Variants in SOX5 observed in about 807,000 individuals in gnomAD.
SOX5 encodes the protein transcription factor SOX-5.
A neutral mutation model predicts 92.0 loss-of-function variants in SOX5; 9 were observed. The observed-to-expected ratio is 0.10, with a 90% CI of 0.06 to 0.17. The LOEUF (loss-of-function observed/expected upper bound fraction) is 0.17, where lower values mean the gene tolerates loss of function less well. SOX5 is among the 10% of genes least tolerant of loss of function. The pLI, the probability that SOX5 is intolerant of heterozygous loss-of-function variation, is 1.00. For synonymous variants in SOX5, 344 were observed against 336.3 expected, an observed-to-expected ratio of 1.02 and a Z score of -0.25; for missense variants, 642 against 944.5, an observed-to-expected ratio of 0.68 and a Z score of 4.20.
Position 23,971,121 on chromosome 12 carries a change from C to CTTTTTTTTTTT in SOX5, c.-1-75108_-1-75098dup, listed in dbSNP as rs71059953. Among the ~76,000 whole-genome samples the CTTTTTTTTTTT allele has an allele frequency of 5.7e-4, 49 of 86,224 alleles. 8 individuals carry two copies. Among genetic ancestry groups the CTTTTTTTTTTT allele is most frequent in the African/African-American group, 7.6e-4 (14 of 18,380 alleles). The allele number at this position is 86,224 out of a possible 152,430, so 56.6% of individuals were successfully genotyped here. A position where few individuals can be genotyped will look rare whatever the true frequency, so the allele number is the denominator to read the frequency against. On this transcript the variant is annotated intron_variant, in intron 4 of 4. Transcript: ENST00000446891. ...CCATCTGAGTAGGTGTGTCAGCTGA[C>CTTTTTTTTTTT]TTTTTTTTTTTTTTTTTTTGAGAGG...
chr12:24,262,733 T>C (rs1363043407), intron 3 of SOX5, among the ~76,000 whole-genome samples: 1 of 152,166 alleles, frequency 6.6e-6, no homozygotes, highest in Non-Finnish European at 1.5e-5. Context: ...CTAACATTTT[T>C]GAAGACAAAG....
At chr12:24,502,683 A>G (rs548791842) in intron 1 of SOX5, among the ~76,000 whole-genome samples, 22 of 152,330 alleles carry the variant, frequency 1.4e-4, no homozygotes, top group Admixed American at 3.3e-4. Context: ...GCATAGTCTC[A>G]CAGTATTTAC....
intron 10 of SOX5, among the ~76,000 whole-genome samples, chr12:23,564,524 A>G (rs977766178): frequency 3.9e-5 from 6 of 152,196 alleles, no homozygotes; most frequent in African/African-American, 1.4e-4. Context: ...GAAGGCAGGC[A>G]CTAATCACAC....
At chr12:24,188,976 A>G (rs1287798027) in intron 4 of SOX5, among the ~76,000 whole-genome samples, 2 of 152,202 alleles carry the variant, frequency 1.3e-5, no homozygotes, top group Non-Finnish European at 2.9e-5. Context: ...ACCTTCAGTG[A>G]TCATGTCCAA....
At chr12:23,670,933 A>T (rs536140853) in intron 6 of SOX5, among the ~76,000 whole-genome samples, 1 of 152,184 alleles carries the variant, frequency 6.6e-6, no homozygotes, top group Admixed American at 6.6e-5. Flanking sequence ...ACTGTGACTG[A>T]GCATCAGAGA....
intron 3 of SOX5, among the ~76,000 whole-genome samples, chr12:23,787,691 T>C (rs949979918): frequency 3.3e-5 from 5 of 152,018 alleles, no homozygotes; most frequent in African/African-American, 9.6e-5. Context: ...TACTAGTCTA[T>C]TCTGGAAACA....
intron 3 of SOX5, among the ~76,000 whole-genome samples, chr12:24,253,270 CT>C (rs61584024): frequency 0.048 from 6,657 of 137,376 alleles, 409 homozygotes; most frequent in African/African-American, 0.15. Context: ...ACGTGCACAT[CT>C]TTTTTTTTTT....
At chr12:23,942,902 AAC>A (rs1275924409) in intron 1 of SOX5, among the ~76,000 whole-genome samples, 1 of 152,066 alleles carries the variant, frequency 6.6e-6, no homozygotes, top group Non-Finnish European at 1.5e-5. Flanking sequence ...TCTTTTCTAA[AAC>A]ACACTTTCTT....
In SOX5 at chr12:23,533,039, G is replaced by A. The variant is rs925615706; in HGVS notation, c.*1180C>T. 2.8e-6 allele frequency: 1 copy of A among 355,146 alleles called. No homozygotes were observed. The highest frequency in any genetic ancestry group is 2.1e-5 in the African/African-American group (1 of 47,678). 22.0% of individuals were successfully genotyped at this position (355,146 alleles called of 1,614,324 possible). A position where few individuals can be genotyped will look rare whatever the true frequency, so the allele number is the denominator to read the frequency against. On this transcript the variant is annotated 3_prime_UTR_variant, in exon 15 of 15. Transcript: ENST00000451604. Reference sequence around the variant, plus strand: ...ATACATGCACACCTCTATTACACAGGGCCACCTGATCCATCCAATAATAAT... The same window carrying A: ...ATACATGCACACCTCTATTACACAGAGCCACCTGATCCATCCAATAATAAT...
At position 23,577,749 on chromosome 12, in the gene SOX5, G is replaced by A. The variant is rs183050257; in HGVS notation, c.1165-1911C>T. 2.0e-5 allele frequency among the ~76,000 whole-genome samples: 3 copies of A among 152,070 alleles called. No individual in the cohort carries two copies. The East Asian group carries it at 5.8e-4, about 29-fold the overall frequency. ...ATACCAAATCTATATTGATTCATAA[G>A]ATCTTGACAGGAAGTGAAATAATTC... is the stretch of plus-strand genomic sequence containing the variant. On this transcript the variant is annotated intron_variant, in intron 9 of 14. Transcript: ENST00000451604.
Position 23,554,599 on chromosome 12 carries a change from G to C in SOX5, c.1489-8175C>G, listed in dbSNP as rs139591309. ...AATACTGTTCTATTTACATTACAGA[G>C]TGAGAACAAAATATGAAGGGAAAGC... On this transcript the variant is annotated intron_variant, in intron 11 of 14. Coordinates refer to ENST00000451604, the MANE Select transcript of SOX5 (RefSeq NM_006940.6). Among the ~76,000 whole-genome samples the C allele has an allele frequency of 6.6e-5, 10 of 152,162 alleles. No individual in the cohort carries two copies. The East Asian group carries it at 1.7e-3, about 26-fold the overall frequency.
At chr12:24,225,446 G>A (rs1961677943) in intron 3 of SOX5, among the ~76,000 whole-genome samples, 3 of 150,474 alleles carry the variant, frequency 2.0e-5, no homozygotes, top group African/African-American at 7.3e-5. Flanking sequence ...ATCAGGAAAA[G>A]CCATTAGTTG....
intron 1 of SOX5, among the ~76,000 whole-genome samples, chr12:24,369,488 ATGCTCTGTT>A (rs1208783340): frequency 1.3e-5 from 2 of 152,194 alleles, no homozygotes; most frequent in African/African-American, 2.4e-5. Context: ...CTGGCTGGCA[ATGCTCTGTT>A]CATACTGTCA....
At chr12:23,737,401 A>C (rs574363176) in intron 5 of SOX5, among the ~76,000 whole-genome samples, 13 of 152,026 alleles carry the variant, frequency 8.6e-5, no homozygotes, top group Non-Finnish European at 1.8e-4. Flanking sequence ...TTAGCCAGGC[A>C]TGGTGGTGGG....
At chr12:24,153,135 C>T (rs1951826882) in intron 4 of SOX5, among the ~76,000 whole-genome samples, 1 of 152,242 alleles carries the variant, frequency 6.6e-6, no homozygotes. Context: ...TTCCACCAAA[C>T]CTCCCATTGT....
In SOX5 at chr12:24,266,033, AATGT is replaced by A. The variant is rs1181771762; in HGVS notation, c.-77+11179_-77+11182del. Among the ~76,000 whole-genome samples the A allele has an allele frequency of 5.3e-5, 6 of 114,214 alleles. No homozygotes were observed. The East Asian group carries it at 1.3e-3, about 25-fold the overall frequency. 74.9% of individuals were successfully genotyped at this position (114,214 alleles called of 152,430 possible). On this transcript the variant is annotated intron_variant, in intron 3 of 4. Coordinates refer to the SOX5 transcript ENST00000446891. ...ACAGGTGTATGCCATCATGCCAGCT[AATGT>A]GTGTGTGTGTGTGTGTGTGTGTGTG...
At position 23,667,059 on chromosome 12, in the gene SOX5, C is replaced by T. The variant is rs866167491; in HGVS notation, c.811-1495G>A. On this transcript the variant is annotated intron_variant, in intron 6 of 14. Transcript: ENST00000451604. ...TTTGGTTGGTGAGTGTGGGGGGCAG[C>T]GAGGACTGAGAGAGGGAGAAGGGGA... Among the ~76,000 whole-genome samples the T allele has an allele frequency of 7.3e-5, 11 of 150,934 alleles. No homozygotes were observed. The Middle Eastern group carries it at 0.01, about 141-fold the overall frequency.
chr12:24,043,976 T>C (rs1956767691), intron 4 of SOX5, among the ~76,000 whole-genome samples: 1 of 152,180 alleles, frequency 6.6e-6, no homozygotes, highest in African/African-American at 2.4e-5. Flanking sequence ...AGGATTATAT[T>C]GAATAAGTCA....
At chr12:24,430,656 G>A (rs755861158) in intron 1 of SOX5, among the ~76,000 whole-genome samples, 19 of 151,602 alleles carry the variant, frequency 1.3e-4, no homozygotes, top group Non-Finnish European at 1.9e-4. Context: ...TTTTTTCATT[G>A]TTGATGTATA....
Sources: gnomAD v4.1 joint callset for allele counts (sites outside exome capture counted in the v4.1 genomes callset) on GRCh38, gnomAD v4.1.1 for gene constraint, MANE v1.5 for transcripts, NCBI Gene and HGNC (gene_info 2026-07-23, HGNC 2026-07-21) for gene names.